ATP6V1C1: variants seen among roughly 807,000 people sequenced by gnomAD.
The protein encoded by ATP6V1C1 is V-type proton ATPase subunit C 1.
Under a neutral mutation model 53.9 loss-of-function variants are expected in ATP6V1C1, and 45 were observed. That is an observed-to-expected ratio of 0.83 (90% CI 0.66 to 1.07). The LOEUF is 1.07. ATP6V1C1 is among the 50% of genes least tolerant of loss of function. The pLI is 0.00. For synonymous variants in ATP6V1C1, 153 were observed against 155.2 expected, an observed-to-expected ratio of 0.99 and a Z score of 0.11; for missense variants, 315 against 440.3, an observed-to-expected ratio of 0.72 and a Z score of 2.55.
At chr8:103,033,474 C>G (rs571775402) in intron 1 of ATP6V1C1, among the ~76,000 whole-genome samples, 2 of 152,272 alleles carry the variant, frequency 1.3e-5, no homozygotes, top group East Asian at 3.9e-4. Context: ...TTCTGAGATT[C>G]TACCATGCTG....
intron 1 of ATP6V1C1, among the ~76,000 whole-genome samples, chr8:103,036,674 A>G (rs1220295550): frequency 6.6e-6 from 1 of 152,222 alleles, no homozygotes; most frequent in Non-Finnish European, 1.5e-5. Flanking sequence ...TAGATGAGAA[A>G]TGGGGTCCTC....
At chr8:103,050,814 AT>A (rs2131395435) in intron 4 of ATP6V1C1, among the ~76,000 whole-genome samples, 1 of 152,316 alleles carries the variant, frequency 6.6e-6, no homozygotes, top group African/African-American at 2.4e-5. Flanking sequence ...AAGTAATCAA[AT>A]TAGAAGGAGC....
At chr8:103,047,464 A>ACACACCT (rs137856477) in intron 3 of ATP6V1C1, among the ~76,000 whole-genome samples, 1 of 125,604 alleles carries the variant, frequency 8.0e-6, no homozygotes, top group Admixed American at 9.5e-5. Flanking sequence ...ACACACACAC[A>ACACACCT]TTTTTTTTTT....
chr8:103,036,131 C>T (rs988572014), intron 1 of ATP6V1C1, among the ~76,000 whole-genome samples: 6 of 152,324 alleles, frequency 3.9e-5, no homozygotes, highest in African/African-American at 1.4e-4. Flanking sequence ...GAGCACAGAA[C>T]ATCTTTTCTC....
intron 1 of ATP6V1C1, among the ~76,000 whole-genome samples, chr8:103,025,257 T>C (rs561986468): frequency 6.6e-6 from 1 of 152,366 alleles, no homozygotes; most frequent in East Asian, 1.9e-4. Flanking sequence ...TTAGTGTTTC[T>C]ATGTGGGTGC....
intron 4 of ATP6V1C1, among the ~76,000 whole-genome samples, chr8:103,050,606 A>G (rs867142608): frequency 2.0e-5 from 3 of 152,206 alleles, no homozygotes; most frequent in Non-Finnish European, 4.4e-5. Flanking sequence ...GAAAATTGTT[A>G]AAATGTGGAC....
chr8:103,058,948 C>CT (rs1221985370), intron 8 of ATP6V1C1, among the ~76,000 whole-genome samples: 4 of 149,676 alleles, frequency 2.7e-5, no homozygotes, highest in Admixed American at 6.6e-5. Context: ...GAAAGAGGTG[C>CT]TTTTCACTTG....
chr8:103,033,548 TC>T (rs1019655034), intron 1 of ATP6V1C1, among the ~76,000 whole-genome samples: 16 of 152,158 alleles, frequency 1.1e-4, no homozygotes, highest in African/African-American at 3.9e-4. Flanking sequence ...CCACTTACCG[TC>T]CTGGGCAGTT....
At chr8:103,035,632 G>C (rs1816881517) in intron 1 of ATP6V1C1, among the ~76,000 whole-genome samples, 1 of 152,168 alleles carries the variant, frequency 6.6e-6, no homozygotes, top group African/African-American at 2.4e-5. Context: ...CCGCAGGAAG[G>C]GCGGCCGCAT....
intron 8 of ATP6V1C1, among the ~76,000 whole-genome samples, chr8:103,059,656 A>C (rs1399422677): frequency 6.6e-6 from 1 of 151,668 alleles, no homozygotes; most frequent in Non-Finnish European, 1.5e-5. Flanking sequence ...CATAGGGTTA[A>C]ATCTACTCTC....
chr8:103,062,006 G>C (rs1413927723), intron 8 of ATP6V1C1, among the ~76,000 whole-genome samples: 4 of 152,106 alleles, frequency 2.6e-5, no homozygotes, highest in Non-Finnish European at 5.9e-5. Context: ...TTACCTGGCA[G>C]TTGTGTCTGG....
chr8:103,035,517 A>G (rs1199572535), intron 1 of ATP6V1C1, among the ~76,000 whole-genome samples: 2 of 152,202 alleles, frequency 1.3e-5, no homozygotes, highest in Non-Finnish European at 2.9e-5. Flanking sequence ...AGTGCGTAGT[A>G]GGGGCATTTA....
intron 4 of ATP6V1C1, 85 bp downstream of exon 4, chr8:103,049,040 TC>T: frequency 7.6e-7 from 1 of 1,319,822 alleles, no homozygotes; most frequent in South Asian, 1.3e-5. Flanking sequence ...TGTAAAAAAG[TC>T]TACAGAAAAG....
At chr8:103,037,710 T>G (rs1191493779) in intron 1 of ATP6V1C1, among the ~76,000 whole-genome samples, 1 of 152,242 alleles carries the variant, frequency 6.6e-6, no homozygotes, top group African/African-American at 2.4e-5. Flanking sequence ...TAAAAATATT[T>G]AGTTTTGAAG....
intron 8 of ATP6V1C1, 55 bp from the exon 9 acceptor site, chr8:103,062,900 T>A (rs561275244): frequency 6.6e-7 from 1 of 1,518,038 alleles, no homozygotes; most frequent in South Asian, 1.1e-5. Context: ...TTGCCCTTAA[T>A]ATGAAAGACA....
intron 11 of ATP6V1C1, 78 bp downstream of exon 11, chr8:103,064,889 GT>G (rs1312471323): frequency 8.0e-7 from 1 of 1,250,358 alleles, no homozygotes; most frequent in Non-Finnish European, 1.1e-6. Flanking sequence ...TTATAACACA[GT>G]CCAGCAATAG....
chr8:103,028,749 A>C (rs998618585), intron 1 of ATP6V1C1, among the ~76,000 whole-genome samples: 1 of 152,204 alleles, frequency 6.6e-6, no homozygotes, highest in African/African-American at 2.4e-5. Context: ...TGGCGATTAC[A>C]TTGTGCTTCC....
intron 1 of ATP6V1C1, among the ~76,000 whole-genome samples, chr8:103,031,712 A>G (rs544680881): frequency 1.3e-5 from 2 of 152,326 alleles, no homozygotes; most frequent in African/African-American, 4.8e-5. Context: ...ACAGACATCC[A>G]AACTATATCA....
chr8:103,024,009 A>G (rs1816652531), intron 1 of ATP6V1C1, among the ~76,000 whole-genome samples: 2 of 152,184 alleles, frequency 1.3e-5, no homozygotes, highest in Non-Finnish European at 2.9e-5. Context: ...CTTATCTATA[A>G]TCTTGGATAG....
Sources: allele counts gnomAD v4.1 joint callset (sites outside exome capture counted in the v4.1 genomes callset), GRCh38; gene constraint gnomAD v4.1.1; transcripts MANE v1.5; gene names NCBI Gene and HGNC (gene_info 2026-07-23, HGNC 2026-07-21).